ALK: variants seen among roughly 807,000 people sequenced by gnomAD.
ALK encodes the protein ALK tyrosine kinase receptor.
A neutral mutation model predicts 163.1 loss-of-function variants in ALK; 74 were observed. The ratio of observed to expected loss-of-function variants is 0.45; its 90% CI spans 0.38 to 0.55. The LOEUF is 0.55. Ranked by LOEUF, ALK falls within the 20% of genes least tolerant of loss-of-function variation. ALK has a pLI of 0.00. For synonymous variants in ALK, 960 were observed against 843.2 expected (o/e 1.14, Z -2.40); for missense variants, 2,063 against 2,105.3 (o/e 0.98, Z 0.39).
chr2:29,754,348 G>C (rs1405532636), intron 1 of ALK, among the ~76,000 whole-genome samples: 7 of 152,130 alleles, frequency 4.6e-5, no homozygotes, highest in African/African-American at 1.2e-4. Context: ...AAGGAGGACA[G>C]GGCAGTTTGA....
intron 3 of ALK, among the ~76,000 whole-genome samples, chr2:29,690,216 CTT>C (rs980941659): frequency 6.6e-6 from 1 of 152,110 alleles, no homozygotes; most frequent in African/African-American, 2.4e-5. Context: ...GTTTCACCAT[CTT>C]TTGAAAATGA....
intron 1 of ALK, among the ~76,000 whole-genome samples, chr2:29,888,920 C>T (rs970251691): frequency 3.3e-5 from 5 of 152,178 alleles, no homozygotes; most frequent in Non-Finnish European, 5.9e-5. Flanking sequence ...AATTTTCAAG[C>T]TGTTTAGTTG....
intron 4 of ALK, among the ~76,000 whole-genome samples, chr2:29,391,015 A>G (rs1558303944): frequency 6.6e-6 from 1 of 152,068 alleles, no homozygotes; most frequent in East Asian, 1.9e-4. Flanking sequence ...CGTGGAGAAG[A>G]GCTGCTCTGA....
At chr2:29,586,126 C>A (rs1478883672) in intron 3 of ALK, among the ~76,000 whole-genome samples, 1 of 152,068 alleles carries the variant, frequency 6.6e-6, no homozygotes, top group Non-Finnish European at 1.5e-5. Flanking sequence ...TAATTTGCAT[C>A]TTTGAATACC....
At chr2:29,374,429 C>T (rs1037336390) in intron 5 of ALK, among the ~76,000 whole-genome samples, 1 of 146,990 alleles carries the variant, frequency 6.8e-6, no homozygotes, top group Non-Finnish European at 1.5e-5. Flanking sequence ...GAGTGCTTGC[C>T]ATGAAAAAAA....
chr2:29,906,945 T>G (rs1010183399), intron 1 of ALK, among the ~76,000 whole-genome samples: 2 of 125,380 alleles, frequency 1.6e-5, no homozygotes, highest in Non-Finnish European at 3.2e-5. Flanking sequence ...AGGTTTTTTT[T>G]TTTTTTTTTT....
chr2:29,420,842 T>C (rs1247993298), intron 4 of ALK, among the ~76,000 whole-genome samples: 1 of 151,580 alleles, frequency 6.6e-6, no homozygotes, highest in Non-Finnish European at 1.5e-5. Flanking sequence ...ATGCTAGCCC[T>C]GCAGCCTGTT....
At chr2:29,433,250 T>C (rs1416693059) in intron 4 of ALK, among the ~76,000 whole-genome samples, 1 of 152,204 alleles carries the variant, frequency 6.6e-6, no homozygotes, top group Non-Finnish European at 1.5e-5. Flanking sequence ...TTAGCATGCA[T>C]AGAAGTGGAC....
chr2:29,439,126 A>T (rs545211824), intron 4 of ALK, among the ~76,000 whole-genome samples: 1 of 152,290 alleles, frequency 6.6e-6, no homozygotes, highest in South Asian at 2.1e-4. Context: ...AGGAACTTGA[A>T]ATCTGACCAC....
intron 5 of ALK, among the ~76,000 whole-genome samples, chr2:29,349,725 A>C (rs1169479209): frequency 6.6e-6 from 1 of 152,182 alleles, no homozygotes; most frequent in African/African-American, 2.4e-5. Flanking sequence ...CATAGGCAGG[A>C]GCTATGTCTG....
chr2:29,598,759 G>A (rs1299295583), intron 3 of ALK, among the ~76,000 whole-genome samples: 1 of 152,098 alleles, frequency 6.6e-6, no homozygotes, highest in Non-Finnish European at 1.5e-5. Flanking sequence ...GATGATGGGA[G>A]CATGAGAAAT....
intron 4 of ALK, among the ~76,000 whole-genome samples, chr2:29,509,227 C>T (rs1256646960): frequency 1.3e-5 from 2 of 152,150 alleles, no homozygotes; most frequent in African/African-American, 4.8e-5. Context: ...CTAGCTTTGA[C>T]CTTTTTCAGC....
At chr2:29,412,309 G>A (rs771255339) in intron 4 of ALK, among the ~76,000 whole-genome samples, 10 of 152,302 alleles carry the variant, frequency 6.6e-5, no homozygotes, top group East Asian at 1.9e-4. Context: ...CTTGGAGGAG[G>A]AGCTGGGTCA....
chr2:29,268,797 C>A (rs1350948912), intron 11 of ALK, among the ~76,000 whole-genome samples: 1 of 152,140 alleles, frequency 6.6e-6, no homozygotes, highest in Non-Finnish European at 1.5e-5. Flanking sequence ...TGACTTTGAA[C>A]CCTGGCCCTG....
chr2:29,878,436 G>A (rs1279091504), intron 1 of ALK, among the ~76,000 whole-genome samples: 1 of 152,164 alleles, frequency 6.6e-6, no homozygotes, highest in Non-Finnish European at 1.5e-5. Flanking sequence ...AGAAACTGAG[G>A]CTCACATGAC....
intron 1 of ALK, among the ~76,000 whole-genome samples, chr2:29,848,616 G>A (rs72788271): frequency 0.12 from 18,755 of 152,156 alleles, 1,440 homozygotes; most frequent in Middle Eastern, 0.23. Context: ...TGGAAAGAGG[G>A]GTAGGCTCTC....
At chr2:29,746,099 A>G (rs1483582009) in intron 1 of ALK, among the ~76,000 whole-genome samples, 1 of 152,190 alleles carries the variant, frequency 6.6e-6, no homozygotes, top group African/African-American at 2.4e-5. Flanking sequence ...CCCACTTTAC[A>G]GATGAGGAAA....
chr2:29,477,993 GT>G (rs773610598), intron 4 of ALK, among the ~76,000 whole-genome samples: 34 of 152,344 alleles, frequency 2.2e-4, no homozygotes, highest in South Asian at 8.3e-4. Flanking sequence ...ATTTTCCTGA[GT>G]CTGAGTTCAG....
In ALK at chr2:29,920,815, C is replaced by A. The variant is rs141444957; in HGVS notation, c.-156G>T. 2,460 of 679,434 alleles carry A rather than the reference C, an allele frequency of 3.6e-3. 56 individuals carry two copies. In the African/African-American group the frequency reaches 0.04, roughly 11 times the overall value. The allele number at this position is 679,434 out of a possible 1,614,324, so 42.1% of individuals were successfully genotyped here. On this transcript the variant is annotated 5_prime_UTR_variant, in exon 1 of 29. Transcript: ENST00000389048. ...GCGTGCGCGCAAGTCTCTTGCTTTC[C>A]CCCAACTGCACGGAGGCGAGCAGGA...
Sources: gnomAD v4.1 joint callset for allele counts (sites outside exome capture counted in the v4.1 genomes callset) on GRCh38, gnomAD v4.1.1 for gene constraint, MANE v1.5 for transcripts, NCBI Gene and HGNC (gene_info 2026-07-23, HGNC 2026-07-21) for gene names.